The following MACROD2 variants were observed in gnomAD, a reference collection of about 807,000 sequenced individuals.
MACROD2 encodes mono-ADP ribosylhydrolase 2, also known as ADP-ribose glycohydrolase MACROD2.
Under a neutral mutation model 70.4 loss-of-function variants are expected in MACROD2, and 36 were observed. The ratio of observed to expected loss-of-function variants is 0.51; its 90% CI spans 0.39 to 0.68. The LOEUF (loss-of-function observed/expected upper bound fraction) is 0.68, where lower values mean the gene tolerates loss of function less well. Ranked by LOEUF, MACROD2 falls within the 30% of genes least tolerant of loss-of-function variation. MACROD2 has a pLI of 0.00. For synonymous variants in MACROD2, 172 were observed against 178.8 expected (o/e 0.96, Z 0.30); for missense variants, 496 against 538.4 (o/e 0.92, Z 0.78).
intron 4 of MACROD2, among the ~76,000 whole-genome samples, chr20:14,500,457 C>A (rs1200994265): frequency 6.6e-6 from 1 of 152,200 alleles, no homozygotes; most frequent in African/African-American, 2.4e-5. Flanking sequence ...TTTCTTCATT[C>A]CACATGAACT....
At chr20:14,507,295 A>C (rs1179736643) in intron 4 of MACROD2, among the ~76,000 whole-genome samples, 1 of 152,150 alleles carries the variant, frequency 6.6e-6, no homozygotes, top group African/African-American at 2.4e-5. Context: ...GTTGTAAAAA[A>C]ATATGCAAAT....
intron 5 of MACROD2, among the ~76,000 whole-genome samples, chr20:14,899,124 A>G (rs1445321472): frequency 6.6e-6 from 1 of 152,226 alleles, no homozygotes; most frequent in Admixed American, 6.5e-5. Flanking sequence ...TGAACTGCAC[A>G]TCTGCCTCCT....
At chr20:15,947,688 G>A (rs1417376420) in intron 12 of MACROD2, among the ~76,000 whole-genome samples, 1 of 152,072 alleles carries the variant, frequency 6.6e-6, no homozygotes, top group Non-Finnish European at 1.5e-5. Flanking sequence ...GCACATAGTA[G>A]GTCCTCATAT....
At chr20:14,656,190 G>A (rs1985964774) in intron 4 of MACROD2, among the ~76,000 whole-genome samples, 1 of 152,170 alleles carries the variant, frequency 6.6e-6, no homozygotes, top group African/African-American at 2.4e-5. Flanking sequence ...CTTATCTGCT[G>A]TAGTAGAATC....
intron 5 of MACROD2, among the ~76,000 whole-genome samples, chr20:14,904,600 A>G (rs528659219): frequency 3.0e-4 from 45 of 152,298 alleles, no homozygotes; most frequent in African/African-American, 1.0e-3. Flanking sequence ...TTTGTTTGCT[A>G]TATCATGGAC....
intron 3 of MACROD2, among the ~76,000 whole-genome samples, chr20:14,225,070 G>C (rs1006566729): frequency 6.6e-6 from 1 of 152,118 alleles, no homozygotes; most frequent in African/African-American, 2.4e-5. Context: ...AGGTCAGATG[G>C]GTGTTCACTG....
chr20:15,370,830 G>GA lies in MACROD2; in HGVS notation c.541-60569dup, dbSNP rs575529735. ...AAATCAGAACACAGGCAAAAAGAAG[G>GA]AAAAAAGCATAAGGTAGGGTGGTAA... is the stretch of plus-strand genomic sequence containing the variant. On this transcript the variant is annotated intron_variant, in intron 6 of 17. Coordinates refer to ENST00000684519, the MANE Select transcript of MACROD2 (RefSeq NM_001351661.2). Among the ~76,000 whole-genome samples the GA allele has an allele frequency of 7.5e-4, 114 of 151,736 alleles. 1 individual carries two copies. In the South Asian group the frequency reaches 9.0e-3, roughly 12 times the overall value.
chr20:15,074,112 T>G (rs527424178), intron 5 of MACROD2, among the ~76,000 whole-genome samples: 2 of 152,308 alleles, frequency 1.3e-5, no homozygotes, highest in South Asian at 4.1e-4. Flanking sequence ...TGGTCTTCCC[T>G]CTGTGTCTTT....
At chr20:14,276,943 C>G (rs958338477) in intron 3 of MACROD2, among the ~76,000 whole-genome samples, 2 of 152,180 alleles carry the variant, frequency 1.3e-5, no homozygotes, top group African/African-American at 4.8e-5. Context: ...CGGACCATGT[C>G]TTCCTCATCT....
intron 3 of MACROD2, among the ~76,000 whole-genome samples, chr20:14,172,760 T>A (rs2081233275): frequency 6.6e-6 from 1 of 152,224 alleles, no homozygotes; most frequent in East Asian, 1.9e-4. Context: ...TTGAGATTTA[T>A]GCTTTAAGGA....
At chr20:15,790,148 A>C (rs868018624) in intron 8 of MACROD2, among the ~76,000 whole-genome samples, 11 of 152,146 alleles carry the variant, frequency 7.2e-5, no homozygotes, top group Middle Eastern at 6.8e-3. Context: ...GGACAAACTT[A>C]TAACAGTCTT....
chr20:15,221,057 T>C (rs1048064703), intron 5 of MACROD2, among the ~76,000 whole-genome samples: 33 of 152,124 alleles, frequency 2.2e-4, no homozygotes, highest in Non-Finnish European at 4.1e-4. Flanking sequence ...CACATTTCAG[T>C]CCCAGCCTAG....
chr20:14,072,946 A>G (rs1284583583), intron 2 of MACROD2, among the ~76,000 whole-genome samples: 1 of 151,998 alleles, frequency 6.6e-6, no homozygotes, highest in Non-Finnish European at 1.5e-5. Flanking sequence ...AAAAAAAAAA[A>G]AAGCATATAG....
At chr20:15,718,547 C>T (rs934278193) in intron 8 of MACROD2, among the ~76,000 whole-genome samples, 2 of 152,158 alleles carry the variant, frequency 1.3e-5, no homozygotes, top group Non-Finnish European at 2.9e-5. Context: ...CTCACCAAGG[C>T]AATGTAGGGT....
intron 8 of MACROD2, among the ~76,000 whole-genome samples, chr20:15,798,558 G>A (rs1425604207): frequency 6.6e-6 from 1 of 152,180 alleles, no homozygotes; most frequent in African/African-American, 2.4e-5. Context: ...TAAGTCACAA[G>A]CCTGCTCAAA....
chr20:14,941,855 C>T lies in MACROD2; in HGVS notation c.418+256896C>T, dbSNP rs950822743. On this transcript the variant is annotated intron_variant, in intron 5 of 17. Transcript: ENST00000684519. Reference sequence around the variant, plus strand: ...CTGGAATGTAGTGGTGCGACCATGGCTCACTGCAGCCTCGACTGCCTGGGT... The same window carrying T: ...CTGGAATGTAGTGGTGCGACCATGGTTCACTGCAGCCTCGACTGCCTGGGT... Among the ~76,000 whole-genome samples the T allele has an allele frequency of 7.3e-5, 11 of 151,660 alleles. 1 individual carries two copies. The highest frequency in any genetic ancestry group is 2.1e-4 in the South Asian group (1 of 4,804).
chr20:15,807,692 T>C (rs1005078369), intron 8 of MACROD2, among the ~76,000 whole-genome samples: 1 of 152,186 alleles, frequency 6.6e-6, no homozygotes, highest in Admixed American at 6.5e-5. Flanking sequence ...GTTAAATAAA[T>C]ATAAAATTAA....
chr20:14,750,489 T>A (rs2123734900), intron 5 of MACROD2, among the ~76,000 whole-genome samples: 1 of 152,266 alleles, frequency 6.6e-6, no homozygotes, highest in East Asian at 1.9e-4. Flanking sequence ...TGAGACAGGA[T>A]CTCACTTTGT....
At chr20:14,808,354 A>C (rs1260870127) in intron 5 of MACROD2, among the ~76,000 whole-genome samples, 1 of 152,128 alleles carries the variant, frequency 6.6e-6, no homozygotes, top group Non-Finnish European at 1.5e-5. Context: ...AGTGAAGAAG[A>C]AATAAAATCC....
Sources: gnomAD v4.1 joint callset for allele counts (sites outside exome capture counted in the v4.1 genomes callset) on GRCh38, gnomAD v4.1.1 for gene constraint, MANE v1.5 for transcripts, NCBI Gene and HGNC (gene_info 2026-07-23, HGNC 2026-07-21) for gene names.